The following ALG1L2 variants were observed in gnomAD, a reference collection of about 807,000 sequenced individuals.
The protein encoded by ALG1L2 is ALG1 chitobiosyldiphosphodolichol beta-mannosyltransferase like 2, also known as putative glycosyltransferase ALG1L2.
A neutral mutation model predicts 29.0 loss-of-function variants in ALG1L2; 32 were observed. The ratio of observed to expected loss-of-function variants is 1.10; its 90% CI spans 0.83 to 1.48. The LOEUF (loss-of-function observed/expected upper bound fraction) is 1.48, where lower values mean the gene tolerates loss of function less well. Ranked by LOEUF, ALG1L2 falls within the 40% of genes most tolerant of loss-of-function variation. The pLI is 0.00. For missense variants in ALG1L2, 318 were observed against 274.1 expected, an observed-to-expected ratio of 1.16 and a Z score of -1.13; for synonymous variants, 110 against 109.5, an observed-to-expected ratio of 1.00 and a Z score of -0.03.
chr3:130,091,261 G>A lies in ALG1L2; in HGVS notation c.21G>A (p.Trp7Ter). The change falls in exon 2 of 8, where the codon TGG becomes TGA. Residue 7 changes from tryptophan to a stop codon, truncating the protein, a stop_gained and splice_region_variant. Transcript: ENST00000425059. LOFTEE classifies it high-confidence loss of function. ...TAGCCCTGCCATGATTTCATTGCAG[G>A]GCTGTGACCGTCTACGACAAGCCGG... MGATAG[W>*]AVTVYDKPAS... 6.3e-7 allele frequency: 1 copy of A among 1,598,906 alleles called. No individual in the cohort carries two copies. The highest frequency in any genetic ancestry group is 8.5e-7 in the Non-Finnish European group (1 of 1,179,472).
intron 6 of ALG1L2, among the ~76,000 whole-genome samples, chr3:130,096,413 A>G (rs1371406816): frequency 1.1e-3 from 159 of 148,812 alleles, no homozygotes; most frequent in African/African-American, 3.4e-3. Context: ...GCCATTAAAA[A>G]TGGCAATTAC....
chr3:130,086,867 T>TA (rs2108116051), intron 1 of ALG1L2, among the ~76,000 whole-genome samples: 1 of 151,632 alleles, frequency 6.6e-6, no homozygotes, highest in Non-Finnish European at 1.5e-5. Flanking sequence ...CCCCTCTGGC[T>TA]AACCCCAAAC....
At position 130,098,216 on chromosome 3, in the gene ALG1L2, T is replaced by G; in HGVS notation, c.616-7T>G. The G allele has an allele frequency of 6.3e-7, 1 of 1,596,416 alleles. No homozygotes were observed. The highest frequency in any genetic ancestry group is 1.3e-5 in the African/African-American group (1 of 74,970). ...GGACAGGCAATGAGGTAAGCTCTGC[T>G]CTTCAGTATTTTGCAGATGCTTTTC... is the stretch of plus-strand genomic sequence containing the variant. On this transcript the variant is annotated splice_polypyrimidine_tract_variant and splice_region_variant and intron_variant, in intron 7 of 7. Coordinates refer to ENST00000425059, the MANE Select transcript of ALG1L2 (RefSeq NM_001136152.1).
At chr3:130,090,078 T>A (rs75960665) in intron 1 of ALG1L2, among the ~76,000 whole-genome samples, 4 of 149,576 alleles carry the variant, frequency 2.7e-5, no homozygotes, top group Non-Finnish European at 6.0e-5. Context: ...ACTGAGGGCC[T>A]GGCACGGTGG....
chr3:130,096,432 C>G (rs1436896415), intron 6 of ALG1L2, among the ~76,000 whole-genome samples: 2 of 114,174 alleles, frequency 1.8e-5, no homozygotes, highest in East Asian at 2.0e-4. Flanking sequence ...ACTTTTGCAC[C>G]AACCCAGTAT....
At chr3:130,092,796 C>T (rs938208653) in intron 3 of ALG1L2, among the ~76,000 whole-genome samples, 4 of 152,056 alleles carry the variant, frequency 2.6e-5, no homozygotes, top group Non-Finnish European at 2.9e-5. Context: ...TCTGGGAGGC[C>T]GAGGCAGGCA....
intron 1 of ALG1L2, among the ~76,000 whole-genome samples, chr3:130,085,477 T>C (rs1934870122): frequency 1.5e-5 from 2 of 137,736 alleles, no homozygotes; most frequent in African/African-American, 2.5e-5. Flanking sequence ...CCTCAAGTGA[T>C]CCTCTTGCCT....
At chr3:130,097,526 G>C (rs1212076738) in intron 7 of ALG1L2, among the ~76,000 whole-genome samples, 2 of 152,228 alleles carry the variant, frequency 1.3e-5, no homozygotes, top group Admixed American at 1.3e-4. Context: ...CCAGGCTGCA[G>C]TTTAGGAAGT....
In ALG1L2 at chr3:130,096,141, G is replaced by A. The variant is rs1315522335; in HGVS notation, c.517G>A (p.Ala173Thr). The A allele has an allele frequency of 3.7e-6, 6 of 1,611,866 alleles. No homozygotes were observed. Among genetic ancestry groups the A allele is most frequent in the African/African-American group, 1.3e-5 (1 of 74,860 alleles). ...GGACATGTTCAGGTGCTGTTTGCCTGCGTGTGCCGTGAACTTCAAGTGGTA... is the reference window on the plus strand; with the variant it reads ...GGACATGTTCAGGTGCTGTTTGCCTACGTGTGCCGTGAACTTCAAGTGGTA... The part of the protein sequence containing the change: ...VVDMFRCCLP[A>T]CAVNFKCLHE... Residue 173 changes from alanine to threonine, a missense_variant, in exon 6 of 8, where the codon GCG becomes ACG. Transcript: ENST00000425059.
intron 5 of ALG1L2, 39 bp from the exon 6 acceptor site, chr3:130,096,010 A>C: frequency 6.3e-7 from 1 of 1,575,170 alleles, no homozygotes; most frequent in Non-Finnish European, 8.6e-7. Flanking sequence ...TTCCCGGGGC[A>C]GAGACCAGCG....
intron 2 of ALG1L2, 46 bp from the exon 3 acceptor site, chr3:130,092,055 G>T: frequency 6.2e-7 from 1 of 1,606,236 alleles, no homozygotes; most frequent in Non-Finnish European, 8.5e-7. Context: ...TCTGGGTCCT[G>T]GGCCTGCTCT....
chr3:130,082,274 GACCCCGAGCTTGGCTTAATGCTCTGC>G (rs1934803104), intron 1 of ALG1L2, among the ~76,000 whole-genome samples: 1 of 138,452 alleles, frequency 7.2e-6, no homozygotes, highest in African/African-American at 2.5e-5. Flanking sequence ...AGCTGAGAGG[GACCCCGAGCTTGGCTTAATGCTCTGC>G]TGTCACTGTC....
intron 1 of ALG1L2, among the ~76,000 whole-genome samples, chr3:130,089,715 T>C (rs993311303): frequency 6.6e-6 from 1 of 152,308 alleles, no homozygotes; most frequent in Non-Finnish European, 1.5e-5. Flanking sequence ...CGTTGTCCTT[T>C]TGTGGCTTAT....
chr3:130,091,346 A>G lies in ALG1L2; in HGVS notation c.106A>G (p.Ser36Gly). Residue 36 changes from serine (S) to glycine (G), a missense_variant, in exon 2 of 8, where the codon AGC (serine) becomes GGC (glycine). Ser to Gly is a moderately conservative substitution (Grantham distance 56). Coordinates refer to ENST00000425059, the MANE Select transcript of ALG1L2 (RefSeq NM_001136152.1). ...GCACCGGCTCTTCATGAAGCTGGGCAGCACGCACTCTCCGTTCAGGGCCCG... is the reference window on the plus strand; with the variant it reads ...GCACCGGCTCTTCATGAAGCTGGGCGGCACGCACTCTCCGTTCAGGGCCCG... ...LQHRLFMKLG[S>G]THSPFRARSE... The G allele has an allele frequency of 1.3e-6, 2 of 1,597,482 alleles. No individual in the cohort carries two copies. Among genetic ancestry groups the G allele is most frequent in the Non-Finnish European group, 8.5e-7 (1 of 1,179,760 alleles).
In ALG1L2 at chr3:130,086,722, C is replaced by T. The variant is rs72988394; in HGVS notation, c.21-4539C>T. Among the ~76,000 whole-genome samples, 1,288 of 131,774 alleles carry T rather than the reference C, an allele frequency of 9.8e-3. 85 individuals carry two copies. The highest frequency in any genetic ancestry group is 0.03 in the African/African-American group (1,192 of 39,150). The allele number at this position is 131,774 out of a possible 152,430, so 86.4% of individuals were successfully genotyped here. On this transcript the variant is annotated intron_variant, in intron 1 of 7. Coordinates refer to ENST00000425059, the MANE Select transcript of ALG1L2 (RefSeq NM_001136152.1). ...ACAGATGAAGCAAAGTGGGCCAAAACGTAGAAAAAGGAAATTGCTCTGTTT... is the reference window on the plus strand; with the variant it reads ...ACAGATGAAGCAAAGTGGGCCAAAATGTAGAAAAAGGAAATTGCTCTGTTT...
chr3:130,096,583 C>T (rs1247695904), intron 6 of ALG1L2, among the ~76,000 whole-genome samples: 6 of 152,116 alleles, frequency 3.9e-5, no homozygotes, highest in Non-Finnish European at 7.3e-5. Flanking sequence ...GCCAAGCTCA[C>T]GTGGTGGGTT....
chr3:130,088,750 TGCAC>T, intron 1 of ALG1L2, among the ~76,000 whole-genome samples: 1 of 152,104 alleles, frequency 6.6e-6, no homozygotes, highest in Admixed American at 6.5e-5. Flanking sequence ...GGAGCTCCCC[TGCAC>T]AACTCTCTTG....
chr3:130,095,967 G>C lies in ALG1L2; in HGVS notation c.425-82G>C, dbSNP rs1202832403. On this transcript the variant is annotated intron_variant, in intron 5 of 7. Transcript: ENST00000425059. ...TTATCCAATTTTCACTCCCCTCGGG[G>C]GGTGTTGCCTCACTGTGCTGGGAGG... The C allele has an allele frequency of 3.5e-6, 5 of 1,442,174 alleles. No homozygotes were observed. In the Admixed American group the frequency reaches 9.8e-5, roughly 28 times the overall value. 89.3% of individuals were successfully genotyped at this position (1,442,174 alleles called of 1,614,324 possible).
At chr3:130,088,363 G>A (rs1310967653) in intron 1 of ALG1L2, among the ~76,000 whole-genome samples, 2 of 152,302 alleles carry the variant, frequency 1.3e-5, no homozygotes, top group Non-Finnish European at 2.9e-5. Flanking sequence ...TAAATCACGG[G>A]GTGGGTCTTT....
Sources: allele counts gnomAD v4.1 joint callset (sites outside exome capture counted in the v4.1 genomes callset), GRCh38; gene constraint gnomAD v4.1.1; transcripts MANE v1.5; gene names NCBI Gene and HGNC (gene_info 2026-07-23, HGNC 2026-07-21).